RAPGEF1: variants seen among roughly 807,000 people sequenced by gnomAD.
The protein encoded by RAPGEF1 is CRK SH3-binding GNRP.
A neutral mutation model predicts 143.3 loss-of-function variants in RAPGEF1; 33 were observed. The ratio of observed to expected loss-of-function variants is 0.23; its 90% CI spans 0.17 to 0.31. RAPGEF1 has a LOEUF of 0.31. RAPGEF1 is among the 10% of genes least tolerant of loss of function. The pLI is 1.00. For synonymous variants in RAPGEF1, 629 were observed against 676.5 expected, an observed-to-expected ratio of 0.93 and a Z score of 1.09; for missense variants, 1,199 against 1,645.4, an observed-to-expected ratio of 0.73 and a Z score of 4.69.
intron 1 of RAPGEF1, among the ~76,000 whole-genome samples, chr9:131,726,475 A>C (rs1174506554): frequency 6.6e-6 from 1 of 151,986 alleles, no homozygotes; most frequent in African/African-American, 2.4e-5. Context: ...AAAATACAAA[A>C]ATTAGCCGGA....
chr9:131,687,486 C>T (rs1833446412), intron 1 of RAPGEF1, among the ~76,000 whole-genome samples: 1 of 149,336 alleles, frequency 6.7e-6, no homozygotes, highest in Non-Finnish European at 1.5e-5. Flanking sequence ...TGAGCCATCG[C>T]ACCCGGCCTT....
rs1046925650 is a variant in RAPGEF1 at position 131,577,385 on chromosome 9, A to G, written c.*2112T>C. ...AGGTGAAGAGACCCCACCTCTATCCAGCTCAAGCCCAAGAACAAGGCAGAC... is the reference window on the plus strand; with the variant it reads ...AGGTGAAGAGACCCCACCTCTATCCGGCTCAAGCCCAAGAACAAGGCAGAC... On this transcript the variant is annotated 3_prime_UTR_variant, in exon 27 of 27. Coordinates refer to ENST00000683357, the MANE Select transcript of RAPGEF1 (RefSeq NM_001377935.1). 1 of 152,268 alleles carries G rather than the reference A, an allele frequency of 6.6e-6. No homozygotes were observed. The highest frequency in any genetic ancestry group is 1.5e-5 in the Non-Finnish European group (1 of 68,068). 9.4% of individuals were successfully genotyped at this position (152,268 alleles called of 1,614,324 possible). A position where few individuals can be genotyped will look rare whatever the true frequency, so the allele number is the denominator to read the frequency against.
Position 131,621,909 on chromosome 9 carries a change from G to A in RAPGEF1, c.1792C>T (p.Gln598Ter), listed in dbSNP as rs767773354. The A allele has an allele frequency of 6.2e-7, 1 of 1,613,790 alleles. No homozygotes were observed. The highest frequency in any genetic ancestry group is 8.5e-7 in the Non-Finnish European group (1 of 1,179,828). ...QTPQNEHIYQ[Q>*]KNKLLMEVYG... is the part of the protein sequence containing the mutation. ...ACCTCCATGAGGAGCTTGTTCTTCT[G>A]CTGGTAGATGTGCTCGTTCTGTGGC... Residue 598 changes from glutamine (Q) to a stop codon, truncating the protein, a stop_gained, in exon 11 of 27, where the codon CAG (glutamine) becomes TAG (stop). Coordinates refer to ENST00000683357, the MANE Select transcript of RAPGEF1 (RefSeq NM_001377935.1). LOFTEE classifies it high-confidence loss of function. The surrounding 1 kb of genome is among the most constrained non-coding windows in gnomAD (Gnocchi z 4.5).
At chr9:131,651,621 A>G (rs1564626115) in intron 1 of RAPGEF1, among the ~76,000 whole-genome samples, 2 of 152,274 alleles carry the variant, frequency 1.3e-5, no homozygotes, top group Non-Finnish European at 2.9e-5. Flanking sequence ...TACAAAACCA[A>G]AAGCACAAGT....
At position 131,592,189 on chromosome 9, in the gene RAPGEF1, G is replaced by A. The variant is rs1424706113; in HGVS notation, c.2690-6C>T. The A allele has an allele frequency of 2.0e-6, 3 of 1,500,886 alleles. No individual in the cohort carries two copies. Among genetic ancestry groups the A allele is most frequent in the Admixed American group, 4.1e-5 (2 of 49,302 alleles). 93.0% of individuals were successfully genotyped at this position (1,500,886 alleles called of 1,614,324 possible). ...CTCGCAGTACAACACCAAATCTAGA[G>A]GGAAAAAACAATGCAAACTGCTTGT... On this transcript the variant is annotated splice_region_variant and splice_polypyrimidine_tract_variant and intron_variant, in intron 17 of 26. Coordinates refer to ENST00000683357, the MANE Select transcript of RAPGEF1 (RefSeq NM_001377935.1).
chr9:131,660,061 G>A (rs374279873), intron 1 of RAPGEF1, among the ~76,000 whole-genome samples: 4 of 152,090 alleles, frequency 2.6e-5, no homozygotes, highest in African/African-American at 4.8e-5. Context: ...TCCGTGATCC[G>A]CCCGCCTCGG....
intron 10 of RAPGEF1, 134 bp from the exon 11 acceptor site, chr9:131,622,132 C>T (rs544602256): frequency 3.3e-5 from 28 of 839,636 alleles, no homozygotes; most frequent in South Asian, 1.1e-4. Context: ...AGACGGAGCA[C>T]GGAGGACTTT....
At chr9:131,699,258 T>C (rs1330319133) in intron 1 of RAPGEF1, among the ~76,000 whole-genome samples, 2 of 141,752 alleles carry the variant, frequency 1.4e-5, no homozygotes, top group East Asian at 2.1e-4. Flanking sequence ...TTTTTTTTTT[T>C]TCTGAGGTGC....
intron 1 of RAPGEF1, among the ~76,000 whole-genome samples, chr9:131,658,090 A>G (rs981343571): frequency 6.6e-6 from 1 of 152,210 alleles, no homozygotes; most frequent in African/African-American, 2.4e-5. Context: ...GCTTTAATAA[A>G]CAATGCTGCT....
chr9:131,648,891 C>T (rs1970365850), intron 3 of RAPGEF1, among the ~76,000 whole-genome samples: 1 of 152,136 alleles, frequency 6.6e-6, no homozygotes, highest in Non-Finnish European at 1.5e-5. Context: ...ATTTAAATAA[C>T]AGGCTAGTGT....
At chr9:131,713,684 G>A (rs1446211464) in intron 1 of RAPGEF1, among the ~76,000 whole-genome samples, 1 of 152,206 alleles carries the variant, frequency 6.6e-6, no homozygotes, top group Non-Finnish European at 1.5e-5. Flanking sequence ...GCTGAGGTGG[G>A]AGGTTGAGGC....
At chr9:131,697,453 T>G (rs1191866952) in intron 1 of RAPGEF1, among the ~76,000 whole-genome samples, 1 of 152,224 alleles carries the variant, frequency 6.6e-6, no homozygotes, top group Non-Finnish European at 1.5e-5. Context: ...GCAGCGGCTC[T>G]AGCTCTGGGG....
intron 12 of RAPGEF1, among the ~76,000 whole-genome samples, chr9:131,616,153 A>G (rs921197681): frequency 1.6e-4 from 24 of 152,120 alleles, no homozygotes; most frequent in Non-Finnish European, 2.2e-4. Context: ...CTGTAATCCC[A>G]GCTACTCCGG....
chr9:131,643,549 G>T, intron 3 of RAPGEF1, 132 bp from the exon 4 acceptor site: 2 of 872,362 alleles, frequency 2.3e-6, no homozygotes, highest in Non-Finnish European at 3.4e-6. Flanking sequence ...CAGAAACCAA[G>T]CCAGATCATT....
intron 14 of RAPGEF1, among the ~76,000 whole-genome samples, chr9:131,603,178 G>A (rs892448492): frequency 6.6e-6 from 1 of 152,096 alleles, no homozygotes; most frequent in Non-Finnish European, 1.5e-5. Flanking sequence ...AGAACCACCT[G>A]AACGGGTGTG....
At chr9:131,698,675 G>A (rs1476096594) in intron 1 of RAPGEF1, among the ~76,000 whole-genome samples, 2 of 152,218 alleles carry the variant, frequency 1.3e-5, no homozygotes, top group Non-Finnish European at 2.9e-5. Context: ...ATGAAATAAA[G>A]TAGAGGTAAC....
intron 5 of RAPGEF1, among the ~76,000 whole-genome samples, chr9:131,631,029 A>G (rs1964694926): frequency 6.6e-6 from 1 of 152,064 alleles, no homozygotes; most frequent in Non-Finnish European, 1.5e-5. Flanking sequence ...CGCCACTAAA[A>G]ACACAAAGAA....
chr9:131,624,145 C>T (rs564233782), intron 10 of RAPGEF1, among the ~76,000 whole-genome samples: 3 of 152,192 alleles, frequency 2.0e-5, no homozygotes, highest in Non-Finnish European at 4.4e-5. Flanking sequence ...CAACTCAGGC[C>T]AGGCTCTCAG....
intron 1 of RAPGEF1, among the ~76,000 whole-genome samples, chr9:131,676,938 G>A (rs1475843477): frequency 1.3e-5 from 2 of 152,136 alleles, no homozygotes; most frequent in African/African-American, 4.8e-5. Context: ...CTGGGGGTAG[G>A]CCCAGCAATC....
Sources: allele counts gnomAD v4.1 joint callset (sites outside exome capture counted in the v4.1 genomes callset), GRCh38; gene constraint gnomAD v4.1.1; non-coding constraint Gnocchi (gnomAD v3.1); transcripts MANE v1.5; gene names NCBI Gene and HGNC (gene_info 2026-07-23, HGNC 2026-07-21).